The following CDH4 variants were observed in gnomAD, a reference collection of about 807,000 sequenced individuals.
CDH4 encodes cadherin-4.
A neutral mutation model predicts 86.0 loss-of-function variants in CDH4; 33 were observed. That is an observed-to-expected ratio of 0.38 (90% CI 0.29 to 0.51). The LOEUF (loss-of-function observed/expected upper bound fraction) is 0.51. Ranked by LOEUF, CDH4 falls within the 20% of genes least tolerant of loss-of-function variation. CDH4 has a pLI of 0.86. For synonymous variants in CDH4, 555 were observed against 549.4 expected, an observed-to-expected ratio of 1.01 and a Z score of -0.14; for missense variants, 1,114 against 1,307.4, an observed-to-expected ratio of 0.85 and a Z score of 2.28.
chr20:61,906,548 G>A (rs1424234999), intron 8 of CDH4, among the ~76,000 whole-genome samples: 1 of 152,248 alleles, frequency 6.6e-6, no homozygotes, highest in East Asian at 1.9e-4. Context: ...ACTCAAGGAA[G>A]GAGAAGCGCC....
chr20:61,382,016 C>G (rs1015827611), intron 2 of CDH4, among the ~76,000 whole-genome samples: 1 of 151,914 alleles, frequency 6.6e-6, no homozygotes, highest in South Asian at 2.1e-4. Context: ...GCAGAAGTTG[C>G]AGTGAGCTGA....
At chr20:61,394,051 G>A (rs971939359) in intron 2 of CDH4, among the ~76,000 whole-genome samples, 6 of 152,066 alleles carry the variant, frequency 3.9e-5, no homozygotes, top group South Asian at 2.1e-4. Flanking sequence ...ATTATTCATC[G>A]AGAACTATGC....
rs956436259 is a variant in CDH4, at chr20:61,531,472, CAAAAAAA to C, written c.170-212074_170-212068del. Among the ~76,000 whole-genome samples, 68 of 44,110 alleles carry C rather than the reference CAAAAAAA, an allele frequency of 1.5e-3. 1 individual carries two copies. The highest frequency in any genetic ancestry group is 4.6e-3 in the Admixed American group (20 of 4,352). 28.9% of individuals were successfully genotyped at this position (44,110 alleles called of 152,430 possible). On this transcript the variant is annotated intron_variant, in intron 2 of 15. Coordinates refer to ENST00000614565, the MANE Select transcript of CDH4 (RefSeq NM_001794.5). ...TGGGCGACAGAGCAAGACTGCATCT[CAAAAAAA>C]AAAAAAAAAAAAAAAAGGGATTTAG...
intron 2 of CDH4, among the ~76,000 whole-genome samples, chr20:61,687,363 T>C (rs1334557915): frequency 6.6e-6 from 1 of 152,188 alleles, no homozygotes; most frequent in Non-Finnish European, 1.5e-5. Context: ...TGACCGTCTG[T>C]ACTCGGAGGC....
At chr20:61,599,573 C>T (rs2086582113) in intron 2 of CDH4, among the ~76,000 whole-genome samples, 1 of 152,200 alleles carries the variant, frequency 6.6e-6, no homozygotes, top group African/African-American at 2.4e-5. Context: ...GCCTCCCAGG[C>T]GGGGCAGCCC....
At chr20:61,607,178 A>G (rs920477511) in intron 2 of CDH4, among the ~76,000 whole-genome samples, 2 of 152,142 alleles carry the variant, frequency 1.3e-5, no homozygotes, top group Non-Finnish European at 2.9e-5. Flanking sequence ...CACACCCCTC[A>G]ATGTAGGACC....
At chr20:61,492,079 TTGA>T (rs958513377) in intron 2 of CDH4, among the ~76,000 whole-genome samples, 161 of 150,922 alleles carry the variant, frequency 1.1e-3, no homozygotes, top group African/African-American at 3.6e-3. Flanking sequence ...GTCAATATTG[TTGA>T]TGGTGTTGAT....
chr20:61,680,270 G>A (rs2087496601), intron 2 of CDH4, among the ~76,000 whole-genome samples: 1 of 152,232 alleles, frequency 6.6e-6, no homozygotes, highest in Non-Finnish European at 1.5e-5. Context: ...AGGAGGGACA[G>A]GGTGCCAGGC....
chr20:61,457,494 A>G (rs1000854124), intron 2 of CDH4, among the ~76,000 whole-genome samples: 1 of 152,150 alleles, frequency 6.6e-6, no homozygotes, highest in Admixed American at 6.5e-5. Context: ...TGGTGGTGAT[A>G]GTGATGGGGG....
chr20:61,322,395 G>C (rs2084513725), intron 2 of CDH4, among the ~76,000 whole-genome samples: 1 of 152,208 alleles, frequency 6.6e-6, no homozygotes, highest in Non-Finnish European at 1.5e-5. Flanking sequence ...ACCTGCAGCT[G>C]AACTGAGCGG....
chr20:61,423,163 A>G (rs1461214489), intron 2 of CDH4, among the ~76,000 whole-genome samples: 1 of 151,804 alleles, frequency 6.6e-6, no homozygotes, highest in African/African-American at 2.4e-5. Context: ...GGAAGCAAGG[A>G]CCCCCAGACC....
chr20:61,706,395 C>T (rs8123662), intron 2 of CDH4, among the ~76,000 whole-genome samples: 13,602 of 152,200 alleles, frequency 0.089, 662 homozygotes, highest in East Asian at 0.18. Context: ...AAACTGCAGC[C>T]GGCCTCATTT....
chr20:61,351,033 C>T (rs989837846), intron 2 of CDH4, among the ~76,000 whole-genome samples: 1 of 152,080 alleles, frequency 6.6e-6, no homozygotes, highest in Non-Finnish European at 1.5e-5. Context: ...GCTGGGGTGG[C>T]AGCTGTGGTG....
Position 61,262,218 on chromosome 20 carries a change from G to A in CDH4, c.169+7281G>A, listed in dbSNP as rs546368228. On this transcript the variant is annotated intron_variant, in intron 2 of 15. Coordinates refer to ENST00000614565, the MANE Select transcript of CDH4 (RefSeq NM_001794.5). ...GCCAGCCGGGGCGGGGCTCCCTGAC[G>A]GCCTCTCTTGAGCTGATGCCGTGAG... Among the ~76,000 whole-genome samples, 27 of 152,288 alleles carry A rather than the reference G, an allele frequency of 1.8e-4. 1 individual carries two copies. In the East Asian group the frequency reaches 4.4e-3, roughly 25 times the overall value.
intron 3 of CDH4, among the ~76,000 whole-genome samples, chr20:61,757,154 G>C (rs575427588): frequency 2.6e-5 from 4 of 152,294 alleles, no homozygotes; most frequent in African/African-American, 9.6e-5. Flanking sequence ...TGGCTGCTCA[G>C]GTGCAGATTC....
chr20:61,823,247 G>A (rs1268621636), intron 4 of CDH4, among the ~76,000 whole-genome samples: 3 of 10,588 alleles, frequency 2.8e-4, no homozygotes, highest in South Asian at 2.6e-3. Context: ...TGATAGTGGC[G>A]ATGGTGTTGA....
intron 2 of CDH4, among the ~76,000 whole-genome samples, chr20:61,558,896 T>G (rs1196764541): frequency 1.3e-5 from 2 of 152,270 alleles, no homozygotes; most frequent in Admixed American, 6.5e-5. Context: ...TGGATGGCTT[T>G]GCTGCCTGCC....
At chr20:61,433,300 A>C (rs1263963422) in intron 2 of CDH4, among the ~76,000 whole-genome samples, 1 of 152,116 alleles carries the variant, frequency 6.6e-6, no homozygotes, top group African/African-American at 2.4e-5. Flanking sequence ...TCGGGTATCA[A>C]TCAGCCGTCT....
intron 4 of CDH4, among the ~76,000 whole-genome samples, chr20:61,791,075 G>T (rs1053422241): frequency 7.2e-6 from 1 of 139,690 alleles, no homozygotes; most frequent in Non-Finnish European, 1.6e-5. Context: ...GTTTCAAAAC[G>T]CTTAAGGCCT....
Sources: gnomAD v4.1 joint callset for allele counts (sites outside exome capture counted in the v4.1 genomes callset) on GRCh38, gnomAD v4.1.1 for gene constraint, MANE v1.5 for transcripts, NCBI Gene and HGNC (gene_info 2026-07-23, HGNC 2026-07-21) for gene names.